The following LYPLAL1 variants were observed in gnomAD, a reference collection of about 807,000 sequenced individuals.
LYPLAL1 encodes lysophospholipase-like protein 1.
LYPLAL1 carries 23 observed loss-of-function variants against 19.7 expected under a neutral mutation model. That is an observed-to-expected ratio of 1.17 (90% CI 0.84 to 1.65). The LOEUF (loss-of-function observed/expected upper bound fraction) is 1.65. Ranked by LOEUF, LYPLAL1 falls within the 40% of genes most tolerant of loss-of-function variation. The probability of loss-of-function intolerance (pLI) is 0.00; values close to 1 mark genes in which losing one functional copy is unlikely to be tolerated. For missense variants in LYPLAL1, 355 were observed against 279.4 expected, an observed-to-expected ratio of 1.27 and a Z score of -1.93; for synonymous variants, 119 against 96.3, an observed-to-expected ratio of 1.24 and a Z score of -1.38.
At chr1:219,385,720 G>A in the LYPLAL1 span, among the ~76,000 whole-genome samples, 1 of 152,088 alleles carries the variant, frequency 6.6e-6, no homozygotes. Context: ...AGGAACAAGA[G>A]GGTAAAGAAA....
the LYPLAL1 span, among the ~76,000 whole-genome samples, chr1:219,378,433 C>CATG: frequency 6.6e-6 from 1 of 152,114 alleles, no homozygotes; most frequent in African/African-American, 2.4e-5. Context: ...TAACCATCCC[C>CATG]ATGATTAAAT....
intron 4 of LYPLAL1, 144 bp downstream of exon 4, chr1:219,210,791 C>T (rs937528506): frequency 5.9e-6 from 4 of 681,594 alleles, no homozygotes; most frequent in Non-Finnish European, 6.8e-6. Context: ...AATTCATGGC[C>T]AAATGAGTCG....
rs79601186 is a variant in LYPLAL1, at chr1:219,185,433, A to G, written c.191+6187A>G. 4.5e-3 allele frequency among the ~76,000 whole-genome samples: 690 copies of G among 151,992 alleles called. 5 individuals are homozygous for G. The highest frequency in any genetic ancestry group is 0.023 in the South Asian group (111 of 4,830). The stretch of plus-strand genomic sequence containing the variant: ...ATTTTCTTCTATTTACATTAAATCT[A>G]TACATTTCTCACTAATCATTACTGT... On this transcript the variant is annotated intron_variant, in intron 2 of 4. Coordinates refer to ENST00000366928, the MANE Select transcript of LYPLAL1 (RefSeq NM_138794.5).
At chr1:219,299,613 G>T in the LYPLAL1 span, among the ~76,000 whole-genome samples, 1 of 152,128 alleles carries the variant, frequency 6.6e-6, no homozygotes, top group Non-Finnish European at 1.5e-5. Flanking sequence ...TTAAATAGTG[G>T]AGCGGCAGCA....
the LYPLAL1 span, among the ~76,000 whole-genome samples, chr1:219,413,927 C>A: frequency 6.6e-6 from 1 of 152,194 alleles, no homozygotes. Context: ...AAATTGTGAT[C>A]TGTAAAAACG....
the LYPLAL1 span, among the ~76,000 whole-genome samples, chr1:219,432,518 G>A: frequency 3.3e-5 from 5 of 152,270 alleles, no homozygotes; most frequent in South Asian, 4.1e-4. Context: ...CAGGATTTCC[G>A]TGTGCCAGTC....
chr1:219,175,568 C>T (rs1655744020), intron 1 of LYPLAL1, among the ~76,000 whole-genome samples: 1 of 152,056 alleles, frequency 6.6e-6, no homozygotes, highest in South Asian at 2.1e-4. Context: ...TTTTTATAAC[C>T]TGTAAGGGTA....
the LYPLAL1 span, among the ~76,000 whole-genome samples, chr1:219,265,750 A>G: frequency 6.6e-6 from 1 of 152,284 alleles, no homozygotes; most frequent in East Asian, 1.9e-4. Context: ...CACCTAGGCT[A>G]TAAGGTATAG....
At chr1:219,341,658 A>G in the LYPLAL1 span, among the ~76,000 whole-genome samples, 9 of 152,216 alleles carry the variant, frequency 5.9e-5, no homozygotes, top group Non-Finnish European at 1.5e-5. Flanking sequence ...AAAGTTCACA[A>G]AGAACCATTT....
the LYPLAL1 span, among the ~76,000 whole-genome samples, chr1:219,392,669 T>C: frequency 1.3e-5 from 2 of 152,190 alleles, no homozygotes; most frequent in Non-Finnish European, 2.9e-5. Flanking sequence ...TTAAACAGAC[T>C]TCTTAATTTT....
chr1:219,422,040 A>T, the LYPLAL1 span, among the ~76,000 whole-genome samples: 1 of 152,194 alleles, frequency 6.6e-6, no homozygotes, highest in Non-Finnish European at 1.5e-5. Context: ...TTTGAAGTTA[A>T]CACAACCTAC....
the LYPLAL1 span, among the ~76,000 whole-genome samples, chr1:219,443,319 C>G: frequency 6.6e-6 from 1 of 152,106 alleles, no homozygotes; most frequent in African/African-American, 2.4e-5. Flanking sequence ...GTGCCCAGCA[C>G]TGAAGGATTT....
chr1:219,201,021 A>T (rs1658053660), intron 3 of LYPLAL1, among the ~76,000 whole-genome samples: 1 of 152,236 alleles, frequency 6.6e-6, no homozygotes, highest in Non-Finnish European at 1.5e-5. Context: ...AATACGTATT[A>T]TCAAATTCCT....
At chr1:219,371,034 A>G in the LYPLAL1 span, among the ~76,000 whole-genome samples, 3 of 152,148 alleles carry the variant, frequency 2.0e-5, no homozygotes, top group South Asian at 2.1e-4. Context: ...TCTTGGTCCT[A>G]TCTGTTTCTG....
the LYPLAL1 span, among the ~76,000 whole-genome samples, chr1:219,436,742 G>T: frequency 0.013 from 1,954 of 152,234 alleles, 38 homozygotes; most frequent in African/African-American, 0.044. Flanking sequence ...TATGAAGAGC[G>T]TTGAGTTAAT....
the LYPLAL1 span, among the ~76,000 whole-genome samples, chr1:219,444,047 C>T: frequency 6.6e-6 from 1 of 152,268 alleles, no homozygotes; most frequent in Admixed American, 6.5e-5. Context: ...TCCACACACA[C>T]AATGACTTCA....
the LYPLAL1 span, among the ~76,000 whole-genome samples, chr1:219,247,138 T>G: frequency 6.6e-6 from 1 of 152,194 alleles, no homozygotes; most frequent in Admixed American, 6.5e-5. Context: ...AGCAAAAGAT[T>G]ATTCTTTGTT....
chr1:219,362,579 G>A, the LYPLAL1 span, among the ~76,000 whole-genome samples: 1 of 152,124 alleles, frequency 6.6e-6, no homozygotes. Context: ...GAGGACAAAT[G>A]GAAGCAGGAA....
At chr1:219,311,033 T>C in the LYPLAL1 span, among the ~76,000 whole-genome samples, 2 of 152,242 alleles carry the variant, frequency 1.3e-5, no homozygotes, top group African/African-American at 4.8e-5. Flanking sequence ...GCTTATCCAT[T>C]CTATCATTTT....
Sources: allele counts gnomAD v4.1 joint callset (sites outside exome capture counted in the v4.1 genomes callset), GRCh38; gene constraint gnomAD v4.1.1; transcripts MANE v1.5; gene names NCBI Gene and HGNC (gene_info 2026-07-23, HGNC 2026-07-21).